COL17A1: variants seen among roughly 807,000 people sequenced by gnomAD.
The protein encoded by COL17A1 is collagen alpha-1(XVII) chain.
A neutral mutation model predicts 218.4 loss-of-function variants in COL17A1; 181 were observed. That is an observed-to-expected ratio of 0.83 (90% CI 0.73 to 0.94). The LOEUF (loss-of-function observed/expected upper bound fraction) is 0.94, where lower values mean the gene tolerates loss of function less well. Among genes scored for constraint, COL17A1 ranks in the 40% least tolerant of loss-of-function variants. COL17A1 has a pLI of 0.00. For synonymous variants in COL17A1, 721 were observed against 731.0 expected, an observed-to-expected ratio of 0.99 and a Z score of 0.22; for missense variants, 1,924 against 1,945.9, an observed-to-expected ratio of 0.99 and a Z score of 0.21.
intron 50 of COL17A1, 70 bp from the exon 51 acceptor site, chr10:104,034,837 C>A: frequency 6.3e-7 from 1 of 1,578,428 alleles, no homozygotes; most frequent in Non-Finnish European, 8.6e-7. Context: ...AGCCTGTGCT[C>A]GGGGCGCTGT....
intron 8 of COL17A1, among the ~76,000 whole-genome samples, chr10:104,071,774 T>C (rs1481125298): frequency 1.3e-5 from 2 of 152,140 alleles, no homozygotes; most frequent in Non-Finnish European, 2.9e-5. Flanking sequence ...GTTGCGATGG[T>C]TGGTTGACTT....
intron 45 of COL17A1, 110 bp from the exon 46 acceptor site, chr10:104,037,883 GCC>G (rs2086316871): frequency 1.4e-6 from 2 of 1,398,528 alleles, no homozygotes; most frequent in Admixed American, 3.9e-5. Context: ...CCACACATGG[GCC>G]CAAGGCTGGG....
chr10:104,045,136 A>G (rs866455445), intron 33 of COL17A1, among the ~76,000 whole-genome samples: 4 of 152,132 alleles, frequency 2.6e-5, no homozygotes. Flanking sequence ...CTCGGGGTTG[A>G]GGTCTGATAG....
At chr10:104,039,047 A>G (rs762326999) in intron 44 of COL17A1, 24 bp downstream of exon 44, 1 of 1,612,312 alleles carries the variant, frequency 6.2e-7, no homozygotes. Flanking sequence ...GTGGAGAGGA[A>G]CTTTGGTCAC....
chr10:104,063,709 A>G, intron 11 of COL17A1, 38 bp downstream of exon 11: 1 of 1,613,738 alleles, frequency 6.2e-7, no homozygotes, highest in Non-Finnish European at 8.5e-7. Flanking sequence ...TTCTATGCAA[A>G]TAGCCTGGAA....
At chr10:104,036,113 T>A (rs1464098701) in intron 48 of COL17A1, among the ~76,000 whole-genome samples, 8 of 77,328 alleles carry the variant, frequency 1.0e-4, no homozygotes, top group East Asian at 4.5e-4. Context: ...GGAGTGTGTG[T>A]GTATGGGAGT....
At chr10:104,054,871 T>C (rs766689625) in intron 20 of COL17A1, 110 bp downstream of exon 20, 1 of 1,536,058 alleles carries the variant, frequency 6.5e-7, no homozygotes, top group Non-Finnish European at 8.9e-7. Flanking sequence ...GTCCCATCTG[T>C]TGTCAAATTA....
intron 11 of COL17A1, among the ~76,000 whole-genome samples, 173 bp from the exon 12 acceptor site, chr10:104,062,502 A>C (rs1453872451): frequency 6.6e-6 from 1 of 152,100 alleles, no homozygotes; most frequent in African/African-American, 2.4e-5. Context: ...TAATACCCCC[A>C]CCTACCTACC....
At chr10:104,069,247 T>A (rs1248803095) in intron 9 of COL17A1, among the ~76,000 whole-genome samples, 1 of 152,188 alleles carries the variant, frequency 6.6e-6, no homozygotes, top group Non-Finnish European at 1.5e-5. Flanking sequence ...TCCGGCTGGG[T>A]GGAGGAATTC....
intron 9 of COL17A1, 32 bp downstream of exon 9, chr10:104,070,394 C>T (rs774674868): frequency 6.2e-6 from 10 of 1,612,312 alleles, no homozygotes; most frequent in South Asian, 3.3e-5. Context: ...TTGTTTCTCA[C>T]ACTCCTCGGC....
chr10:104,064,464 T>C lies in COL17A1; in HGVS notation c.740A>G (p.Asn247Ser), dbSNP rs2086609244. ...NMTTQSSSLL[N>S]TNAYSAGSVF... is the part of the protein sequence containing the mutation. Reference sequence around the variant, plus strand: ...TGATCCCGCAGAGTAGGCATTGGTGTTGAGGAGGGATGAGCTCTGGGTTGT... The same window carrying C: ...TGATCCCGCAGAGTAGGCATTGGTGCTGAGGAGGGATGAGCTCTGGGTTGT... The change falls in exon 10 of 56, where the codon AAC (asparagine) becomes AGC (serine). Residue 247 changes from asparagine (N) to serine (S), a missense_variant. By Grantham distance (46) the Asn-to-Ser change is conservative. Transcript: ENST00000648076. The C allele has an allele frequency of 6.2e-7, 1 of 1,614,038 alleles. No homozygotes were observed. The highest frequency in any genetic ancestry group is 8.5e-7 in the Non-Finnish European group (1 of 1,179,984).
Position 104,046,765 on chromosome 10 carries a change from C to A in COL17A1, c.2344G>T (p.Gly782Ter). 1 of 1,613,956 alleles carries A rather than the reference C, an allele frequency of 6.2e-7. No homozygotes were observed. Among genetic ancestry groups the A allele is most frequent in the South Asian group, 1.1e-5 (1 of 91,046 alleles). ...SGDPGKPGLT[G>*]PQGPQGLPGT... ...GACTCACCCTGAGGTCCCTGGGGTC[C>A]TGTGAGACCTGCAGAAAATCAGACA... is the stretch of plus-strand genomic sequence containing the variant. Residue 782 changes from glycine (G) to a stop codon, truncating the protein, a stop_gained, in exon 32 of 56, where the codon GGA becomes TGA. Coordinates refer to ENST00000648076, the MANE Select transcript of COL17A1 (RefSeq NM_000494.4). LOFTEE classifies it high-confidence loss of function.
Position 104,039,056 on chromosome 10 carries a change from A to C in COL17A1, c.2947+15T>G. On this transcript the variant is annotated intron_variant, in intron 44 of 55. Transcript: ENST00000648076. ...GAAGAAGTGGAGAGGAACTTTGGTCACTTTCAGTTCTTACCTTCAGAAGGA... is the reference window on the plus strand; with the variant it reads ...GAAGAAGTGGAGAGGAACTTTGGTCCCTTTCAGTTCTTACCTTCAGAAGGA... 1.2e-6 allele frequency: 2 copies of C among 1,613,658 alleles called. No individual in the cohort carries two copies. Among genetic ancestry groups the C allele is most frequent in the Non-Finnish European group, 1.7e-6 (2 of 1,179,576 alleles).
intron 35 of COL17A1, among the ~76,000 whole-genome samples, chr10:104,042,667 C>G (rs934766411): frequency 6.6e-6 from 1 of 152,218 alleles, no homozygotes; most frequent in Non-Finnish European, 1.5e-5. Flanking sequence ...GGCGGGACTG[C>G]CCCCTCTGCT....
At chr10:104,064,989 AC>A (rs2086614878) in intron 9 of COL17A1, among the ~76,000 whole-genome samples, 1 of 152,074 alleles carries the variant, frequency 6.6e-6, no homozygotes, top group African/African-American at 2.4e-5. Flanking sequence ...AACAAATGAG[AC>A]CCCGAAGAGA....
chr10:104,034,979 C>T (rs984130106), intron 50 of COL17A1, among the ~76,000 whole-genome samples: 5 of 152,176 alleles, frequency 3.3e-5, no homozygotes, highest in Admixed American at 6.5e-5. Flanking sequence ...CTCCCACTCC[C>T]AATTCTGAGC....
At chr10:104,040,048 G>A (rs775097965) in intron 40 of COL17A1, 49 bp from the exon 41 acceptor site, 3 of 1,609,198 alleles carry the variant, frequency 1.9e-6, no homozygotes, top group Non-Finnish European at 2.6e-6. Context: ...ACCAGGTGTT[G>A]TGGTTTCAAT....
chr10:104,078,619 T>C (rs1352959987), intron 2 of COL17A1, 33 bp from the exon 3 acceptor site: 4 of 1,613,810 alleles, frequency 2.5e-6, no homozygotes, highest in African/African-American at 1.3e-5. Flanking sequence ...TGAGTTCTTA[T>C]GTAATGCACT....
chr10:104,036,964 C>G (rs1347861861), intron 47 of COL17A1, 81 bp downstream of exon 47: 3 of 1,317,042 alleles, frequency 2.3e-6, no homozygotes, highest in Non-Finnish European at 3.2e-6. Context: ...AAGGCTCAGA[C>G]GAGGACAAGG....
Sources: gnomAD v4.1 joint callset for allele counts (sites outside exome capture counted in the v4.1 genomes callset) on GRCh38, gnomAD v4.1.1 for gene constraint, MANE v1.5 for transcripts, NCBI Gene and HGNC (gene_info 2026-07-23, HGNC 2026-07-21) for gene names.